HEMGN: variants seen among roughly 807,000 people sequenced by gnomAD.
HEMGN encodes erythroid differentiation-associated gene protein.
In HEMGN, 32 loss-of-function variants were observed where a neutral mutation model predicts 45.7. The ratio of observed to expected loss-of-function variants is 0.70; its 90% CI spans 0.53 to 0.94. The LOEUF is 0.94. Among genes scored for constraint, HEMGN ranks in the 40% least tolerant of loss-of-function variants. The probability of loss-of-function intolerance (pLI) is 0.00; values close to 1 mark genes in which losing one functional copy is unlikely to be tolerated. For synonymous variants in HEMGN, 183 were observed against 178.6 expected (o/e 1.02, Z -0.20); for missense variants, 530 against 564.2 (o/e 0.94, Z 0.61).
At position 97,930,384 on chromosome 9, in the gene HEMGN, G is replaced by A. The variant is rs1223221225; in HGVS notation, c.1011C>T (p.Ala337=). ...TTTCTTGGATTGTTTTATGAGAGGG[G>A]GCTTTAGGCACAATAATTTCGTTAC... is the stretch of plus-strand genomic sequence containing the variant. ...KTCNEIIVPK[A]PSHKTIQETP... Residue 337 remains alanine (A), a synonymous_variant, in exon 3 of 4, where the codon GCC becomes GCT. Transcript: ENST00000616898. 1 of 1,613,628 alleles carries A rather than the reference G, an allele frequency of 6.2e-7. No homozygotes were observed. The highest frequency in any genetic ancestry group is 8.5e-7 in the Non-Finnish European group (1 of 1,179,826).
intron 3 of HEMGN, among the ~76,000 whole-genome samples, chr9:97,928,025 ATT>A (rs568022099): frequency 3.0e-4 from 38 of 127,440 alleles, no homozygotes; most frequent in East Asian, 2.5e-3. Flanking sequence ...GATCAAGTGT[ATT>A]TTTTTTTTTT....
At position 97,927,476 on chromosome 9, in the gene HEMGN, T is replaced by C. The variant is rs775256288; in HGVS notation, c.1363A>G (p.Met455Val). Residue 455 changes from methionine (M) to valine (V), a missense_variant and splice_region_variant, in exon 4 of 4, where the codon ATG becomes GTG. By Grantham distance (21) the Met-to-Val change is conservative (BLOSUM62 1). Coordinates refer to ENST00000616898, the MANE Select transcript of HEMGN (RefSeq NM_197978.3). ...GGCTCTTCTTTGGGTTTTTCTTTCA[T>C]TTCTGTAAAATCAAATAAAATAAAA... ...AKDAYTFPQE[M>V]KEKPKEEPGI... 13 of 1,584,322 alleles carry C rather than the reference T, an allele frequency of 8.2e-6. No homozygotes were observed. Among genetic ancestry groups the C allele is most frequent in the Admixed American group, 3.4e-5 (2 of 59,688 alleles).
At chr9:97,927,707 G>A (rs1184818856) in intron 3 of HEMGN, among the ~76,000 whole-genome samples, 4 of 151,930 alleles carry the variant, frequency 2.6e-5, no homozygotes, top group Non-Finnish European at 5.9e-5. Flanking sequence ...TAGCAAGTTC[G>A]AATACCTAAA....
intron 1 of HEMGN, among the ~76,000 whole-genome samples, chr9:97,943,267 AC>A (rs950520915): frequency 1.2e-4 from 19 of 152,214 alleles, no homozygotes; most frequent in African/African-American, 4.6e-4. Flanking sequence ...TTCCTAAAAT[AC>A]ATTTGGGTGG....
intron 2 of HEMGN, among the ~76,000 whole-genome samples, chr9:97,934,652 G>A (rs1827024432): frequency 6.6e-6 from 1 of 152,072 alleles, no homozygotes. Flanking sequence ...TGATACACGT[G>A]TTCCTAAAAA....
chr9:97,935,927 A>T (rs1827049461), intron 2 of HEMGN, among the ~76,000 whole-genome samples: 1 of 152,202 alleles, frequency 6.6e-6, no homozygotes, highest in African/African-American at 2.4e-5. Flanking sequence ...CAGTGCTTTA[A>T]TTAAAAGAGA....
rs370929191 is a variant in HEMGN at position 97,931,094 on chromosome 9, G to A, written c.301C>T (p.Leu101=). ...TCAGTTTTTTTCTCTATAGGTGCCAGTGCTTTCTCCACTATTTCCTTTTCT... is the reference window on the plus strand; with the variant it reads ...TCAGTTTTTTTCTCTATAGGTGCCAATGCTTTCTCCACTATTTCCTTTTCT... The part of the protein sequence containing the change: ...QIEKEIVEKA[L]APIEKKTEPP... Residue 101 remains leucine, a synonymous_variant, in exon 3 of 4, where the codon CTG becomes TTG. Transcript: ENST00000616898. 6.2e-7 allele frequency: 1 copy of A among 1,614,120 alleles called. No homozygotes were observed. Among genetic ancestry groups the A allele is most frequent in the Non-Finnish European group, 8.5e-7 (1 of 1,180,034 alleles).
intron 2 of HEMGN, among the ~76,000 whole-genome samples, chr9:97,932,510 A>G (rs995034382): frequency 1.3e-5 from 2 of 152,220 alleles, no homozygotes; most frequent in Non-Finnish European, 2.9e-5. Flanking sequence ...ATTATATTTA[A>G]AAAAGGAAAT....
chr9:97,944,023 G>C (rs551599965), intron 1 of HEMGN, among the ~76,000 whole-genome samples: 2 of 152,080 alleles, frequency 1.3e-5, no homozygotes, highest in South Asian at 4.2e-4. Context: ...TTGCTCACAG[G>C]CTTCTCTTTC....
At position 97,936,260 on chromosome 9, in the gene HEMGN, G is replaced by T. The variant is rs1441899783; in HGVS notation, c.84C>A (p.Val28=). The change falls in exon 2 of 4, where the codon GTC becomes GTA. Residue 28 remains valine (V), a synonymous_variant. Transcript: ENST00000616898. ...TGTTTCTCAAACTCCAGGTTCCAAT[G>T]ACTTCTGTAATAAAATGAAAGTGAT... ...PHQEENHSPE[V]IGTWSLRNRE... The T allele has an allele frequency of 1.3e-6, 2 of 1,599,586 alleles. No homozygotes were observed. The highest frequency in any genetic ancestry group is 2.7e-5 in the African/African-American group (2 of 74,814).
chr9:97,932,452 A>G (rs1334729707), intron 2 of HEMGN, among the ~76,000 whole-genome samples: 1 of 152,208 alleles, frequency 6.6e-6, no homozygotes, highest in African/African-American at 2.4e-5. Flanking sequence ...ATAGAAAAAA[A>G]GAAAAAAAGG....
chr9:97,935,007 GA>G (rs1363371839), intron 2 of HEMGN, among the ~76,000 whole-genome samples: 1 of 152,206 alleles, frequency 6.6e-6, no homozygotes, highest in African/African-American at 2.4e-5. Context: ...CCTCTCTGAG[GA>G]GGGAACCCTG....
At chr9:97,927,665 A>G (rs940486333) in intron 3 of HEMGN, among the ~76,000 whole-genome samples, 187 bp from the exon 4 acceptor site, 17 of 152,218 alleles carry the variant, frequency 1.1e-4, no homozygotes, top group African/African-American at 4.1e-4. Context: ...GCTAAGCAGA[A>G]CACAGAGACC....
chr9:97,937,818 C>T (rs1231334823), intron 1 of HEMGN, among the ~76,000 whole-genome samples: 2 of 152,156 alleles, frequency 1.3e-5, no homozygotes, highest in African/African-American at 2.4e-5. Context: ...AGTATTATAG[C>T]TCTCACCACT....
At chr9:97,941,395 C>T (rs1827150487), upstream of HEMGN, among the ~76,000 whole-genome samples, 1 of 152,116 alleles carries the variant, frequency 6.6e-6, no homozygotes, top group African/African-American at 2.4e-5. Context: ...GTAGTCATGG[C>T]ATGGTTTTGG....
intron 3 of HEMGN, among the ~76,000 whole-genome samples, chr9:97,927,801 CAT>C (rs1439635021): frequency 6.6e-6 from 1 of 151,844 alleles, no homozygotes; most frequent in East Asian, 1.9e-4. Flanking sequence ...GCAACATATA[CAT>C]AGTAAAAACT....
At chr9:97,935,597 G>C (rs769857324) in intron 2 of HEMGN, among the ~76,000 whole-genome samples, 3 of 152,144 alleles carry the variant, frequency 2.0e-5, no homozygotes, top group Non-Finnish European at 4.4e-5. Context: ...CAAGTCCCCA[G>C]TTTCCACAAT....
Position 97,936,254 on chromosome 9 carries a change from T to A in HEMGN, c.90A>T (p.Gly30=), listed in dbSNP as rs1257843449. Residue 30 remains glycine, a synonymous_variant, in exon 2 of 4, where the codon GGA becomes GGT. Coordinates refer to ENST00000616898, the MANE Select transcript of HEMGN (RefSeq NM_197978.3). ...QEENHSPEVI[G]TWSLRNRELL... ...GTTCTCTGTTTCTCAAACTCCAGGT[T>A]CCAATGACTTCTGTAATAAAATGAA... 1.2e-6 allele frequency: 2 copies of A among 1,604,920 alleles called. No homozygotes were observed. The highest frequency in any genetic ancestry group is 1.7e-6 in the Non-Finnish European group (2 of 1,173,066).
At chr9:97,941,389 T>G (rs1827150308), upstream of HEMGN, among the ~76,000 whole-genome samples, 1 of 152,178 alleles carries the variant, frequency 6.6e-6, no homozygotes, top group Non-Finnish European at 1.5e-5. Flanking sequence ...AGATGGGTAG[T>G]CATGGCATGG....
Sources: gnomAD v4.1 joint callset for allele counts (sites outside exome capture counted in the v4.1 genomes callset) on GRCh38, gnomAD v4.1.1 for gene constraint, MANE v1.5 for transcripts, NCBI Gene and HGNC (gene_info 2026-07-23, HGNC 2026-07-21) for gene names.